DNM3: variants seen among roughly 807,000 people sequenced by gnomAD.
DNM3 encodes the protein dynamin-3.
A neutral mutation model predicts 101.6 loss-of-function variants in DNM3; 47 were observed. That is an observed-to-expected ratio of 0.46 (90% CI 0.37 to 0.59). DNM3 has a LOEUF of 0.59. Ranked by LOEUF, DNM3 falls within the 20% of genes least tolerant of loss-of-function variation. The pLI is 0.00. For missense variants in DNM3, 849 were observed against 1,085.7 expected, an observed-to-expected ratio of 0.78 and a Z score of 3.06; for synonymous variants, 385 against 387.9, an observed-to-expected ratio of 0.99 and a Z score of 0.09.
In DNM3 at chr1:172,092,692, C is replaced by T. The variant is rs2053992088; in HGVS notation, c.1494-132C>T. On this transcript the variant is annotated intron_variant, in intron 12 of 20. Transcript: ENST00000627582. The stretch of plus-strand genomic sequence containing the variant: ...GGTTTTGCTTCCAGAATTAAACTGA[C>T]CTGGAATTTTGGTATTAGGTCTGTC... The T allele has an allele frequency of 3.4e-5, 31 of 917,752 alleles. No homozygotes were observed. In the East Asian group the frequency reaches 8.7e-4, roughly 26 times the overall value. The allele number at this position is 917,752 out of a possible 1,614,324, so 56.9% of individuals were successfully genotyped here.
chr1:171,963,645 T>A (rs1420174169), intron 2 of DNM3, among the ~76,000 whole-genome samples: 1 of 152,070 alleles, frequency 6.6e-6, no homozygotes, highest in Non-Finnish European at 1.5e-5. Context: ...AACTCTGTAC[T>A]TTCTGGTCAA....
chr1:172,055,329 T>G (rs933599490), intron 10 of DNM3, among the ~76,000 whole-genome samples: 1 of 152,118 alleles, frequency 6.6e-6, no homozygotes, highest in Non-Finnish European at 1.5e-5. Context: ...AAACCATTGC[T>G]TCTTTCAGGC....
chr1:172,308,627 C>T, intron 15 of DNM3, 101 bp from the exon 16 acceptor site: 1 of 481,586 alleles, frequency 2.1e-6, no homozygotes, highest in Non-Finnish European at 3.5e-6. Flanking sequence ...AGAAACTGTC[C>T]ATTTGGATTG....
At chr1:172,290,799 G>A (rs2063881266) in intron 15 of DNM3, among the ~76,000 whole-genome samples, 1 of 152,078 alleles carries the variant, frequency 6.6e-6, no homozygotes, top group Non-Finnish European at 1.5e-5. Context: ...ATTACCACTG[G>A]AGAAATTGAG....
At chr1:171,852,676 A>T (rs534336335) in intron 1 of DNM3, among the ~76,000 whole-genome samples, 1 of 152,352 alleles carries the variant, frequency 6.6e-6, no homozygotes, top group Admixed American at 6.5e-5. Context: ...ACATAATTAG[A>T]ACAAATGGGT....
chr1:172,137,335 T>C (rs1558626666), intron 14 of DNM3: 1 of 152,218 alleles, frequency 6.6e-6, no homozygotes, highest in Non-Finnish European at 1.5e-5. Flanking sequence ...AAGGCAAAAA[T>C]CTGCATCGTG....
chr1:172,212,074 A>C (rs1016002614), intron 14 of DNM3, among the ~76,000 whole-genome samples: 21 of 152,166 alleles, frequency 1.4e-4, no homozygotes, highest in African/African-American at 4.6e-4. Context: ...TTATTCACCT[A>C]ATAGAAATAT....
At chr1:172,309,052 G>T (rs968192573) in intron 16 of DNM3, 5 of 427,082 alleles carry the variant, frequency 1.2e-5, no homozygotes, top group African/African-American at 2.1e-5. Flanking sequence ...CAATATATTT[G>T]TTAAAGAAAA....
intron 14 of DNM3, among the ~76,000 whole-genome samples, chr1:172,249,125 TC>T (rs1203704142): frequency 6.6e-6 from 1 of 152,132 alleles, no homozygotes; most frequent in Non-Finnish European, 1.5e-5. Context: ...CAGGAGCTAT[TC>T]CCCCACACAC....
intron 2 of DNM3, among the ~76,000 whole-genome samples, chr1:171,963,138 T>C (rs1285767161): frequency 1.3e-5 from 2 of 152,178 alleles, no homozygotes; most frequent in African/African-American, 4.8e-5. Flanking sequence ...GCAACCAAGA[T>C]GTCCTTCAGT....
intron 20 of DNM3, among the ~76,000 whole-genome samples, chr1:172,394,872 G>A (rs4916254): frequency 0.55 from 83,466 of 151,868 alleles, 25,843 homozygotes; most frequent in East Asian, 0.87. Context: ...AAGAAAGGGG[G>A]GTTTAAAAAA....
intron 13 of DNM3, among the ~76,000 whole-genome samples, chr1:172,124,644 CTG>C (rs2056521295): frequency 6.6e-6 from 1 of 152,100 alleles, no homozygotes; most frequent in African/African-American, 2.4e-5. Flanking sequence ...ACCCTTAAGT[CTG>C]TAAATAAGCC....
At chr1:172,117,866 G>A (rs189732258) in intron 13 of DNM3, among the ~76,000 whole-genome samples, 3 of 152,344 alleles carry the variant, frequency 2.0e-5, no homozygotes, top group East Asian at 3.9e-4. Flanking sequence ...AAGTTGTGAA[G>A]TGTGTTCTCT....
Position 172,166,753 on chromosome 1 carries a change from G to A in DNM3, c.1659+35465G>A, listed in dbSNP as rs1416825957. Among the ~76,000 whole-genome samples the A allele has an allele frequency of 2.0e-5, 3 of 151,714 alleles. No homozygotes were observed. In the East Asian group the frequency reaches 5.8e-4, roughly 30 times the overall value. On this transcript the variant is annotated intron_variant, in intron 14 of 20. Transcript: ENST00000627582. ...TTAATCTCATTTTTTTATCAAAGCTGCTAAAAAATAGAACTTACTCATTTT... is the reference window on the plus strand; with the variant it reads ...TTAATCTCATTTTTTTATCAAAGCTACTAAAAAATAGAACTTACTCATTTT...
chr1:171,919,256 A>G (rs2125312596), intron 1 of DNM3, among the ~76,000 whole-genome samples: 1 of 152,222 alleles, frequency 6.6e-6, no homozygotes, highest in East Asian at 1.9e-4. Context: ...TGCTGCACCC[A>G]TCAACCCGTC....
chr1:172,017,558 C>G (rs992937292), intron 4 of DNM3, among the ~76,000 whole-genome samples: 1 of 152,080 alleles, frequency 6.6e-6, no homozygotes, highest in African/African-American at 2.4e-5. Flanking sequence ...TGATAACAGA[C>G]ATTGTATGAT....
At chr1:171,866,860 T>G (rs2125067216) in intron 1 of DNM3, among the ~76,000 whole-genome samples, 1 of 152,284 alleles carries the variant, frequency 6.6e-6, no homozygotes, top group Middle Eastern at 3.4e-3. Flanking sequence ...GTTCAGTAAT[T>G]TTTTGCAAGG....
At chr1:172,196,135 C>T (rs563051288) in intron 14 of DNM3, among the ~76,000 whole-genome samples, 13 of 151,668 alleles carry the variant, frequency 8.6e-5, no homozygotes, top group South Asian at 4.2e-4. Flanking sequence ...TAGCTCCCAC[C>T]GATAAGTGAG....
chr1:172,141,339 A>C (rs1038493659), intron 14 of DNM3, among the ~76,000 whole-genome samples: 3 of 152,080 alleles, frequency 2.0e-5, no homozygotes, highest in African/African-American at 7.2e-5. Flanking sequence ...TTCCTGTCTC[A>C]GGTTAAAGCC....
Sources: allele counts gnomAD v4.1 joint callset (sites outside exome capture counted in the v4.1 genomes callset), GRCh38; gene constraint gnomAD v4.1.1; transcripts MANE v1.5; gene names NCBI Gene and HGNC (gene_info 2026-07-23, HGNC 2026-07-21).